DEUP1: variants seen among roughly 807,000 people sequenced by gnomAD.
DEUP1 encodes deuterosome assembly protein 1, also known as coiled-coil domain containing 67.
In DEUP1, 82 loss-of-function variants were observed where a neutral mutation model predicts 87.4. The ratio of observed to expected loss-of-function variants is 0.94; its 90% CI spans 0.78 to 1.13. DEUP1 has a LOEUF of 1.13. DEUP1 is among the 50% of genes most tolerant of loss of function. DEUP1 has a pLI of 0.00. For synonymous variants in DEUP1, 214 were observed against 222.7 expected (o/e 0.96, Z 0.35); for missense variants, 663 against 681.5 (o/e 0.97, Z 0.30).
chr11:93,407,923 CA>C (rs1341302560), intron 11 of DEUP1, among the ~76,000 whole-genome samples: 5 of 151,608 alleles, frequency 3.3e-5, no homozygotes, highest in African/African-American at 9.7e-5. Flanking sequence ...CAGAGAGCAA[CA>C]ATGCATAGAG....
At chr11:93,353,220 G>A (rs1277076550) in intron 2 of DEUP1, among the ~76,000 whole-genome samples, 1 of 152,196 alleles carries the variant, frequency 6.6e-6, no homozygotes, top group Non-Finnish European at 1.5e-5. Context: ...ATGCATGTTT[G>A]AAATCCAGCA....
intron 5 of DEUP1, among the ~76,000 whole-genome samples, chr11:93,367,545 C>T (rs1260074225): frequency 6.6e-6 from 1 of 152,136 alleles, no homozygotes; most frequent in Non-Finnish European, 1.5e-5. Context: ...ACTTAACATA[C>T]TGACATATTG....
chr11:93,418,354 A>G (rs1947723663), intron 13 of DEUP1, among the ~76,000 whole-genome samples: 1 of 152,096 alleles, frequency 6.6e-6, no homozygotes, highest in African/African-American at 2.4e-5. Flanking sequence ...AAACAACCCC[A>G]TCAAAAAGTG....
rs779694673 is a variant in DEUP1 at position 93,371,021 on chromosome 11, GT to G, written c.547-12del. Reference sequence around the variant, plus strand: ...TGACATTCTTCATTTGAGTTACACAGTTTTTATATTTTTCAGAAACAGGCAC... The same window carrying G: ...TGACATTCTTCATTTGAGTTACACAGTTTTATATTTTTCAGAAACAGGCAC... On this transcript the variant is annotated splice_polypyrimidine_tract_variant and intron_variant, in intron 6 of 13. Transcript: ENST00000298050. 5.0e-6 allele frequency: 8 copies of G among 1,600,456 alleles called. No individual in the cohort carries two copies. Among genetic ancestry groups the G allele is most frequent in the Admixed American group, 1.7e-5 (1 of 58,658 alleles).
At chr11:93,399,407 T>A (rs1171240591) in intron 11 of DEUP1, among the ~76,000 whole-genome samples, 1 of 151,956 alleles carries the variant, frequency 6.6e-6, no homozygotes, top group African/African-American at 2.4e-5. Context: ...TGATTTGGCA[T>A]TTTCATTATA....
rs373323890 is a variant in DEUP1 at position 93,355,326 on chromosome 11, C to T, written c.30-45C>T. On this transcript the variant is annotated intron_variant, in intron 2 of 13. Transcript: ENST00000298050. ...AATGTAATAATTTTTTTTGCCCTCA[C>T]ATTTCACTACTTTAAAATGTATTTT... The T allele has an allele frequency of 6.3e-6, 10 of 1,580,246 alleles. No individual in the cohort carries two copies. In the South Asian group the frequency reaches 6.9e-5, roughly 11 times the overall value.
chr11:93,359,898 G>T (rs1401309466), intron 4 of DEUP1, among the ~76,000 whole-genome samples: 1 of 152,192 alleles, frequency 6.6e-6, no homozygotes, highest in Non-Finnish European at 1.5e-5. Context: ...AGAAGACTGA[G>T]TGGAGAGCCA....
chr11:93,429,278 T>C (rs369367264), intron 13 of DEUP1, among the ~76,000 whole-genome samples: 2 of 152,168 alleles, frequency 1.3e-5, no homozygotes, highest in African/African-American at 4.8e-5. Context: ...CAACATAAAA[T>C]GCCAACATTA....
chr11:93,369,025 G>A (rs1251472470), intron 5 of DEUP1, among the ~76,000 whole-genome samples: 2 of 152,056 alleles, frequency 1.3e-5, no homozygotes, highest in African/African-American at 2.4e-5. Flanking sequence ...ACAATTCAAT[G>A]TGAGATTTGG....
chr11:93,352,284 A>C (rs1944662132), intron 2 of DEUP1: 1 of 687,772 alleles, frequency 1.5e-6, no homozygotes, highest in African/African-American at 1.8e-5. Context: ...TCTAATCTGG[A>C]CGTTTGTATG....
At position 93,418,837 on chromosome 11, in the gene DEUP1, G is replaced by C. The variant is rs559332417; in HGVS notation, c.1638+3723G>C. Among the ~76,000 whole-genome samples, 18 of 152,242 alleles carry C rather than the reference G, an allele frequency of 1.2e-4. No homozygotes were observed. The South Asian group carries it at 3.7e-3, about 32-fold the overall frequency. The stretch of plus-strand genomic sequence containing the variant: ...GAAAATGTGGCACATATACATCATG[G>C]AATGCTATGCAGCCATAAAAAATGA... On this transcript the variant is annotated intron_variant, in intron 13 of 13. Transcript: ENST00000298050.
chr11:93,411,616 A>G (rs1947439213), intron 12 of DEUP1, among the ~76,000 whole-genome samples: 1 of 152,222 alleles, frequency 6.6e-6, no homozygotes, highest in Admixed American at 6.5e-5. Flanking sequence ...TGTTTTAAAT[A>G]TTGTTTTTAA....
At chr11:93,427,154 C>A (rs1947947069) in intron 13 of DEUP1, among the ~76,000 whole-genome samples, 1 of 150,156 alleles carries the variant, frequency 6.7e-6, no homozygotes, top group Admixed American at 6.7e-5. Flanking sequence ...CAAAAAAGAG[C>A]CCACATCGCC....
In DEUP1 at chr11:93,385,312, G is replaced by A. The variant is rs1476460322; in HGVS notation, c.790-86G>A. The A allele has an allele frequency of 5.6e-6, 7 of 1,241,972 alleles. No homozygotes were observed. The Admixed American group carries it at 1.5e-4, about 27-fold the overall frequency. 76.9% of individuals were successfully genotyped at this position (1,241,972 alleles called of 1,614,324 possible). A position where few individuals can be genotyped will look rare whatever the true frequency, so the allele number is the denominator to read the frequency against. Reference sequence around the variant, plus strand: ...ATATCAGTTTGTTTAAAATTAGGCTGGTTTATAGATGTTAAATATTTTTAA... The same window carrying A: ...ATATCAGTTTGTTTAAAATTAGGCTAGTTTATAGATGTTAAATATTTTTAA... On this transcript the variant is annotated intron_variant, in intron 7 of 13. Transcript: ENST00000298050.
chr11:93,355,595 GTAT>G, intron 3 of DEUP1, 53 bp downstream of exon 3: 2 of 1,437,118 alleles, frequency 1.4e-6, no homozygotes, highest in Non-Finnish European at 1.9e-6. Context: ...GTTACATATA[GTAT>G]TCTATCAGAA....
intron 7 of DEUP1, among the ~76,000 whole-genome samples, chr11:93,379,387 A>G (rs374712608): frequency 3.4e-4 from 52 of 152,368 alleles, no homozygotes; most frequent in African/African-American, 1.2e-3. Flanking sequence ...AGTAGAATGG[A>G]GAATCTTGTT....
At chr11:93,364,614 T>C (rs1408764632) in intron 5 of DEUP1, among the ~76,000 whole-genome samples, 3 of 151,968 alleles carry the variant, frequency 2.0e-5, no homozygotes, top group South Asian at 2.1e-4. Flanking sequence ...AAAGTGAATA[T>C]CTAATAAATC....
intron 4 of DEUP1, among the ~76,000 whole-genome samples, chr11:93,359,466 A>G (rs1360467730): frequency 2.6e-5 from 4 of 152,228 alleles, no homozygotes; most frequent in African/African-American, 9.6e-5. Flanking sequence ...GACATCATTT[A>G]TAAAACAACA....
intron 11 of DEUP1, among the ~76,000 whole-genome samples, chr11:93,405,968 TACACA>T (rs1487447161): frequency 5.3e-5 from 8 of 152,106 alleles, no homozygotes; most frequent in Non-Finnish European, 1.0e-4. Context: ...AAACAGCAGC[TACACA>T]ACTCACGTAT....
Sources: gnomAD v4.1 joint callset for allele counts (sites outside exome capture counted in the v4.1 genomes callset) on GRCh38, gnomAD v4.1.1 for gene constraint, MANE v1.5 for transcripts, NCBI Gene and HGNC (gene_info 2026-07-23, HGNC 2026-07-21) for gene names.